The following TBC1D5 variants were observed in gnomAD, a reference collection of about 807,000 sequenced individuals.
TBC1D5 encodes the protein TBC1 domain family member 5, also known as TBC1 domain family, member 5.
In TBC1D5, 75 loss-of-function variants were observed where a neutral mutation model predicts 100.3. The ratio of observed to expected loss-of-function variants is 0.75; its 90% CI spans 0.62 to 0.91. The LOEUF is 0.91. TBC1D5 is among the 40% of genes least tolerant of loss of function. The pLI, the probability that TBC1D5 is intolerant of heterozygous loss-of-function variation, is 0.00. For missense variants in TBC1D5, 910 were observed against 942.4 expected (o/e 0.97, Z 0.45); for synonymous variants, 323 against 325.6 (o/e 0.99, Z 0.09).
chr3:17,500,093 A>G lies in TBC1D5; in HGVS notation c.97+8381T>C, dbSNP rs569287982. Among the ~76,000 whole-genome samples, 2 of 149,828 alleles carry G rather than the reference A, an allele frequency of 1.3e-5. 1 individual carries two copies. The highest frequency in any genetic ancestry group is 5.1e-5 in the African/African-American group (2 of 39,560). Reference sequence around the variant, plus strand: ...GCTCCTAGGACACTGGTAAATGAATAATATCAAGGTATTTGCAACATGGTT... The same window carrying G: ...GCTCCTAGGACACTGGTAAATGAATGATATCAAGGTATTTGCAACATGGTT... On this transcript the variant is annotated intron_variant, in intron 3 of 21. Transcript: ENST00000253692.
At chr3:17,257,456 A>T (rs1411493030) in intron 16 of TBC1D5, among the ~76,000 whole-genome samples, 1 of 152,176 alleles carries the variant, frequency 6.6e-6, no homozygotes. Context: ...TTTGTGTAAC[A>T]AGACTCAGAT....
intron 13 of TBC1D5, among the ~76,000 whole-genome samples, chr3:17,326,726 G>A (rs2086200421): frequency 6.6e-6 from 1 of 152,144 alleles, no homozygotes; most frequent in Admixed American, 6.5e-5. Flanking sequence ...CAACCACCTT[G>A]GCCTCCTAAA....
intron 3 of TBC1D5, among the ~76,000 whole-genome samples, chr3:17,490,904 T>TG (rs1426047041): frequency 6.6e-6 from 1 of 152,222 alleles, no homozygotes; most frequent in Non-Finnish European, 1.5e-5. Flanking sequence ...TTCAGCAGTA[T>TG]GGCCATTTTC....
intron 4 of TBC1D5, among the ~76,000 whole-genome samples, chr3:17,410,997 G>C (rs1482934779): frequency 6.6e-6 from 1 of 152,128 alleles, no homozygotes; most frequent in African/African-American, 2.4e-5. Context: ...CTGCCAAACA[G>C]AATCTCATGC....
chr3:17,506,112 C>T (rs530502082), intron 3 of TBC1D5, among the ~76,000 whole-genome samples: 20 of 152,138 alleles, frequency 1.3e-4, no homozygotes, highest in African/African-American at 4.8e-4. Flanking sequence ...AAGATTATGG[C>T]AGAAATGTGT....
intron 1 of TBC1D5, among the ~76,000 whole-genome samples, chr3:17,627,625 G>A (rs368499077): frequency 6.7e-6 from 1 of 149,804 alleles, no homozygotes; most frequent in South Asian, 2.1e-4. Context: ...GTCTTAGAAT[G>A]TACTGCAAGG....
At chr3:17,679,992 C>T (rs2069221910) in intron 1 of TBC1D5, among the ~76,000 whole-genome samples, 1 of 151,342 alleles carries the variant, frequency 6.6e-6, no homozygotes, top group African/African-American at 2.5e-5. Flanking sequence ...CCTTATGGAG[C>T]AGCACCAACC....
chr3:17,530,930 G>A (rs1055748770), intron 2 of TBC1D5, among the ~76,000 whole-genome samples: 3 of 152,176 alleles, frequency 2.0e-5, no homozygotes, highest in South Asian at 4.1e-4. Flanking sequence ...GCTCAAGACA[G>A]GGATGCCCTC....
intron 1 of TBC1D5, among the ~76,000 whole-genome samples, chr3:17,688,581 C>G (rs1443004434): frequency 6.6e-6 from 1 of 152,132 alleles, no homozygotes; most frequent in Non-Finnish European, 1.5e-5. Flanking sequence ...GTATCTTTAC[C>G]AACCGGGGCA....
At chr3:17,543,493 C>T (rs1376159693) in intron 2 of TBC1D5, among the ~76,000 whole-genome samples, 1 of 151,848 alleles carries the variant, frequency 6.6e-6, no homozygotes, top group African/African-American at 2.4e-5. Context: ...TAAAAATTAG[C>T]CAGGTGTGGT....
rs774391519 is a variant in TBC1D5, at chr3:17,166,810, C to G, written c.2051G>C (p.Arg684Pro). 1.1e-5 allele frequency: 17 copies of G among 1,613,872 alleles called. No homozygotes were observed. The East Asian group carries it at 1.3e-4, about 13-fold the overall frequency. ...CATTTGAACGCTCTGGCCTTGGCCT[C>G]GGCCCTGGCCCTGGCCGCTGGAGCA... The change falls in exon 21 of 22, where the codon CGA (arginine) becomes CCA (proline). Residue 684 changes from arginine (R) to proline (P), a missense_variant. Physicochemically the swap from Arg to Pro is moderately radical, Grantham distance 103. Coordinates refer to ENST00000253692, the Ensembl canonical transcript of TBC1D5.
intron 1 of TBC1D5, among the ~76,000 whole-genome samples, chr3:17,646,575 A>C (rs1356512517): frequency 6.6e-6 from 1 of 152,068 alleles, no homozygotes; most frequent in Non-Finnish European, 1.5e-5. Context: ...TAATCTGTCG[A>C]TCTTTCCATT....
At chr3:17,722,359 T>C (rs1050252637) in intron 1 of TBC1D5, among the ~76,000 whole-genome samples, 1 of 152,188 alleles carries the variant, frequency 6.6e-6, no homozygotes, top group Non-Finnish European at 1.5e-5. Flanking sequence ...GATGGGACCC[T>C]AGTATAAACA....
intron 4 of TBC1D5, among the ~76,000 whole-genome samples, chr3:17,424,631 A>G (rs2094295761): frequency 1.3e-5 from 2 of 152,214 alleles, no homozygotes; most frequent in Non-Finnish European, 2.9e-5. Context: ...ATCAAATTTT[A>G]ACCAAATTTT....
intron 4 of TBC1D5, among the ~76,000 whole-genome samples, chr3:17,418,201 C>G (rs2094129511): frequency 6.6e-6 from 1 of 152,104 alleles, no homozygotes; most frequent in Admixed American, 6.6e-5. Context: ...CTTCATATTT[C>G]TAGGTACATA....
intron 13 of TBC1D5, among the ~76,000 whole-genome samples, chr3:17,348,328 C>A (rs1241865995): frequency 6.6e-6 from 1 of 152,140 alleles, no homozygotes; most frequent in Non-Finnish European, 1.5e-5. Flanking sequence ...ATATATTAAG[C>A]AAGCGATTCT....
intron 13 of TBC1D5, among the ~76,000 whole-genome samples, chr3:17,334,843 C>A (rs1302638421): frequency 1.3e-5 from 2 of 152,076 alleles, no homozygotes; most frequent in African/African-American, 4.8e-5. Context: ...CAGTTGAGAA[C>A]TTTTTAATTC....
chr3:17,508,364 C>T (rs756154306), intron 3 of TBC1D5, 110 bp downstream of exon 3: 3 of 795,586 alleles, frequency 3.8e-6, no homozygotes, highest in Non-Finnish European at 6.6e-6. Flanking sequence ...CTGGCCTGCT[C>T]ACTTCATCAA....
chr3:17,479,858 G>A (rs558908684), intron 3 of TBC1D5, among the ~76,000 whole-genome samples: 4 of 152,292 alleles, frequency 2.6e-5, no homozygotes, highest in South Asian at 2.1e-4. Flanking sequence ...CTGCGGGAGC[G>A]AGGGACAGGC....
Sources: allele counts gnomAD v4.1 joint callset (sites outside exome capture counted in the v4.1 genomes callset), GRCh38; gene constraint gnomAD v4.1.1; transcripts MANE v1.5; gene names NCBI Gene and HGNC (gene_info 2026-07-23, HGNC 2026-07-21).